PAX3: variants seen among roughly 807,000 people sequenced by gnomAD.
The protein encoded by PAX3 is paired box protein Pax-3.
A neutral mutation model predicts 51.6 loss-of-function variants in PAX3; 14 were observed. The ratio of observed to expected loss-of-function variants is 0.27; its 90% CI spans 0.18 to 0.42. PAX3 has a LOEUF of 0.42. Ranked by LOEUF, PAX3 falls within the 10% of genes least tolerant of loss-of-function variation. The pLI, the probability that PAX3 is intolerant of heterozygous loss-of-function variation, is 1.00. For synonymous variants in PAX3, 280 were observed against 253.4 expected, an observed-to-expected ratio of 1.11 and a Z score of -1.00; for missense variants, 540 against 642.8, an observed-to-expected ratio of 0.84 and a Z score of 1.73.
rs574697582 is a variant in PAX3, at chr2:222,289,653, C to T, written c.586+4514G>A. On this transcript the variant is annotated intron_variant, in intron 4 of 8. Coordinates refer to ENST00000392070, the MANE Select transcript of PAX3 (RefSeq NM_181458.4). ...GAAAATCTGCATGTTTTCAATAAAG[C>T]TCTAGAAGGTAAGCACACAGCAGTC... Among the ~76,000 whole-genome samples, 420 of 152,250 alleles carry T rather than the reference C, an allele frequency of 2.8e-3. 9 individuals are homozygous for T. The highest frequency in any genetic ancestry group is 3.5e-3 in the Non-Finnish European group (235 of 68,034).
intron 7 of PAX3, among the ~76,000 whole-genome samples, chr2:222,218,262 C>A (rs1203896756): frequency 6.6e-6 from 1 of 152,072 alleles, no homozygotes; most frequent in Admixed American, 6.6e-5. Flanking sequence ...TTCTTGAAGT[C>A]AAGGATTAAT....
intron 4 of PAX3, among the ~76,000 whole-genome samples, chr2:222,268,157 T>A (rs1394165979): frequency 6.6e-6 from 1 of 152,172 alleles, no homozygotes; most frequent in East Asian, 1.9e-4. Flanking sequence ...TTGCAAATAA[T>A]CTGAGCAGAG....
intron 4 of PAX3, among the ~76,000 whole-genome samples, chr2:222,267,871 C>G (rs45448498): frequency 6.6e-6 from 1 of 152,228 alleles, no homozygotes; most frequent in East Asian, 1.9e-4. Flanking sequence ...GTATTATATA[C>G]GACTTACCCT....
intron 4 of PAX3, among the ~76,000 whole-genome samples, chr2:222,265,673 AG>A (rs1297196592): frequency 1.3e-5 from 2 of 148,576 alleles, no homozygotes; most frequent in Non-Finnish European, 3.0e-5. Flanking sequence ...GAAGGAAGGA[AG>A]GAAGGAAGGA....
At chr2:222,217,778 T>C (rs1409666203) in intron 7 of PAX3, among the ~76,000 whole-genome samples, 1 of 152,192 alleles carries the variant, frequency 6.6e-6, no homozygotes, top group East Asian at 1.9e-4. Context: ...CTTCACATTT[T>C]TCTTTAAAAT....
At chr2:222,227,354 G>A (rs1178300572) in intron 5 of PAX3, among the ~76,000 whole-genome samples, 1 of 152,104 alleles carries the variant, frequency 6.6e-6, no homozygotes, top group Non-Finnish European at 1.5e-5. Context: ...AGCACTTTGG[G>A]AGGCCAAAAA....
chr2:222,275,712 AT>A (rs139295183), intron 4 of PAX3, among the ~76,000 whole-genome samples: 550 of 152,364 alleles, frequency 3.6e-3, no homozygotes, highest in African/African-American at 0.012. Context: ...AACAAAAAAA[AT>A]ATTTCTTACA....
chr2:222,230,131 G>A (rs1225720387), intron 5 of PAX3, among the ~76,000 whole-genome samples: 1 of 151,414 alleles, frequency 6.6e-6, no homozygotes, highest in Non-Finnish European at 1.5e-5. Flanking sequence ...AGCTGTGATT[G>A]TACCACTGTA....
chr2:222,273,269 G>C (rs45540138), intron 4 of PAX3, among the ~76,000 whole-genome samples: 3,193 of 152,224 alleles, frequency 0.021, 42 homozygotes, highest in Middle Eastern at 0.088. Context: ...ACAGGGTTGT[G>C]GCTTCATTGT....
At chr2:222,272,403 G>A (rs1694285751) in intron 4 of PAX3, among the ~76,000 whole-genome samples, 1 of 152,216 alleles carries the variant, frequency 6.6e-6, no homozygotes, top group African/African-American at 2.4e-5. Flanking sequence ...ACATCCTGCT[G>A]TAGGCTTCAA....
intron 7 of PAX3, among the ~76,000 whole-genome samples, chr2:222,206,851 C>A (rs1290944425): frequency 6.6e-6 from 1 of 152,124 alleles, no homozygotes; most frequent in Non-Finnish European, 1.5e-5. Context: ...TATCAGAAAT[C>A]TAAAATGATT....
At chr2:222,288,434 C>G (rs1312807795) in intron 4 of PAX3, among the ~76,000 whole-genome samples, 1 of 152,202 alleles carries the variant, frequency 6.6e-6, no homozygotes, top group African/African-American at 2.4e-5. Flanking sequence ...TGAGAGTCAT[C>G]TAACCATCTA....
chr2:222,257,597 C>T (rs1360860585), intron 4 of PAX3, among the ~76,000 whole-genome samples: 3 of 152,210 alleles, frequency 2.0e-5, no homozygotes, highest in Non-Finnish European at 2.9e-5. Context: ...TCTAAATTGA[C>T]TACCTGTCTC....
intron 4 of PAX3, among the ~76,000 whole-genome samples, chr2:222,260,635 A>C (rs1574708710): frequency 8.6e-6 from 1 of 115,694 alleles, no homozygotes; most frequent in African/African-American, 3.5e-5. Context: ...TCTGTTGCCC[A>C]GGTTGGAGTA....
chr2:222,289,266 C>A (rs1694942981), intron 4 of PAX3, among the ~76,000 whole-genome samples: 1 of 152,180 alleles, frequency 6.6e-6, no homozygotes, highest in Non-Finnish European at 1.5e-5. Flanking sequence ...TTTGTTGTTA[C>A]TGTTGCAGCT....
rs1000880468 is a variant in PAX3 at position 222,200,075 on chromosome 2, G to T, written c.*1333C>A. The T allele has an allele frequency of 9.6e-6, 2 of 209,082 alleles. No individual in the cohort carries two copies. Among genetic ancestry groups the T allele is most frequent in the East Asian group, 1.4e-4 (2 of 13,920 alleles). 13.0% of individuals were successfully genotyped at this position (209,082 alleles called of 1,614,324 possible). A position where few individuals can be genotyped will look rare whatever the true frequency, so the allele number is the denominator to read the frequency against. On this transcript the variant is annotated 3_prime_UTR_variant, in exon 9 of 9. Coordinates refer to ENST00000392070, the MANE Select transcript of PAX3 (RefSeq NM_181458.4). The stretch of plus-strand genomic sequence containing the variant: ...GTACTATGTCTAGTCTCACTAACTC[G>T]CTACGTCATAGTTCTTAACTCTAAA...
intron 4 of PAX3, among the ~76,000 whole-genome samples, chr2:222,271,814 C>T (rs2106160414): frequency 6.6e-6 from 1 of 152,324 alleles, no homozygotes; most frequent in South Asian, 2.1e-4. Context: ...GCTACCTTCC[C>T]ATTGGCAGTT....
intron 4 of PAX3, among the ~76,000 whole-genome samples, chr2:222,237,160 T>TATCCCACTGTACAGAAAAAGGAAACTGAG (rs1411999605): frequency 2.3e-4 from 35 of 152,042 alleles, no homozygotes; most frequent in Non-Finnish European, 4.6e-4. Flanking sequence ...ATTAGATACT[T>TATCCCACTGTACAGAAAAAGGAAACTGAG]ATCCCACTGT....
chr2:222,201,059 G>A lies in PAX3; in HGVS notation c.*349C>T, dbSNP rs969341668. 9 of 1,092,998 alleles carry A rather than the reference G, an allele frequency of 8.2e-6. No individual in the cohort carries two copies. Among genetic ancestry groups the A allele is most frequent in the Admixed American group, 2.0e-5 (1 of 50,562 alleles). The allele number at this position is 1,092,998 out of a possible 1,614,324, so 67.7% of individuals were successfully genotyped here. Reference sequence around the variant, plus strand: ...TACACACACACACACACACACGCACGCACGCACACAAGCAAATGGAATGTT... The same window carrying A: ...TACACACACACACACACACACGCACACACGCACACAAGCAAATGGAATGTT... On this transcript the variant is annotated 3_prime_UTR_variant, in exon 9 of 9. Coordinates refer to ENST00000392070, the MANE Select transcript of PAX3 (RefSeq NM_181458.4).
Sources: allele counts gnomAD v4.1 joint callset (sites outside exome capture counted in the v4.1 genomes callset), GRCh38; gene constraint gnomAD v4.1.1; transcripts MANE v1.5; gene names NCBI Gene and HGNC (gene_info 2026-07-23, HGNC 2026-07-21).